Variants in THSD7B observed in about 807,000 individuals in gnomAD.
THSD7B encodes thrombospondin type-1 domain-containing protein 7B.
In THSD7B, 138 loss-of-function variants were observed where a neutral mutation model predicts 213.6. The observed-to-expected ratio is 0.65, with a 90% CI of 0.56 to 0.74. The LOEUF is 0.74. Among genes scored for constraint, THSD7B ranks in the 30% least tolerant of loss-of-function variants. The pLI is 0.00. For synonymous variants in THSD7B, 742 were observed against 687.0 expected, an observed-to-expected ratio of 1.08 and a Z score of -1.25; for missense variants, 1,931 against 1,991.5, an observed-to-expected ratio of 0.97 and a Z score of 0.58.
At chr2:137,046,525 T>A (rs1050668724) in intron 2 of THSD7B, among the ~76,000 whole-genome samples, 5 of 150,648 alleles carry the variant, frequency 3.3e-5, no homozygotes, top group Non-Finnish European at 7.4e-5. Context: ...AGGTCGGGAG[T>A]TCGAGAGCAG....
chr2:137,301,398 TAAAC>T (rs71846194), intron 12 of THSD7B, among the ~76,000 whole-genome samples: 9,341 of 152,046 alleles, frequency 0.061, 520 homozygotes, highest in African/African-American at 0.14. Flanking sequence ...ACTATAGTAA[TAAAC>T]AAAATTAAAC....
At chr2:137,611,383 A>C (rs1224980600) in intron 17 of THSD7B, among the ~76,000 whole-genome samples, 1 of 152,164 alleles carries the variant, frequency 6.6e-6, no homozygotes, top group East Asian at 1.9e-4. Flanking sequence ...CCAAGATGGC[A>C]TGATTAAAAA....
rs1180233538 is a variant in THSD7B, at chr2:136,890,305, T to C, written c.139+7988T>C. ...CTCATTCATGTCCATGTCCTACTCC[T>C]TCTTCTTCTTCTTCTTCTTCTTCTT... On this transcript the variant is annotated intron_variant, in intron 2 of 27. Transcript: ENST00000409968. Among the ~76,000 whole-genome samples the C allele has an allele frequency of 1.3e-4, 4 of 30,438 alleles. 1 individual carries two copies. The highest frequency in any genetic ancestry group is 2.2e-4 in the Non-Finnish European group (4 of 18,002). The allele number at this position is 30,438 out of a possible 152,430, so 20.0% of individuals were successfully genotyped here. A position where few individuals can be genotyped will look rare whatever the true frequency, so the allele number is the denominator to read the frequency against.
At chr2:137,316,770 G>GAAAA (rs1195133586) in intron 12 of THSD7B, among the ~76,000 whole-genome samples, 3 of 74,262 alleles carry the variant, frequency 4.0e-5, no homozygotes, top group Non-Finnish European at 8.8e-5. Flanking sequence ...AAAAAAAAAA[G>GAAAA]AAAAAGAAAA....
At chr2:137,382,372 C>A (rs1439872548) in intron 12 of THSD7B, among the ~76,000 whole-genome samples, 1 of 152,184 alleles carries the variant, frequency 6.6e-6, no homozygotes, top group Non-Finnish European at 1.5e-5. Context: ...TAGGCAGAAG[C>A]CCTATGGGTA....
chr2:137,524,897 C>G (rs960847509), intron 15 of THSD7B, among the ~76,000 whole-genome samples: 1 of 152,022 alleles, frequency 6.6e-6, no homozygotes, highest in Non-Finnish European at 1.5e-5. Flanking sequence ...AATTTGTATC[C>G]ACTTGCATTG....
intron 1 of THSD7B, among the ~76,000 whole-genome samples, chr2:136,881,846 A>T (rs1683628939): frequency 6.6e-6 from 1 of 152,116 alleles, no homozygotes; most frequent in African/African-American, 2.4e-5. Context: ...CGTTACATTG[A>T]TCTTTTTTTA....
At chr2:137,606,335 T>C (rs1299918043) in intron 17 of THSD7B, among the ~76,000 whole-genome samples, 1 of 152,180 alleles carries the variant, frequency 6.6e-6, no homozygotes, top group Non-Finnish European at 1.5e-5. Flanking sequence ...TCTATGTTGC[T>C]AGCCCCAAGT....
intron 7 of THSD7B, among the ~76,000 whole-genome samples, chr2:137,176,616 T>G (rs1191145886): frequency 1.3e-5 from 2 of 152,148 alleles, no homozygotes; most frequent in Non-Finnish European, 2.9e-5. Context: ...CTTGGCCATT[T>G]CCCATTTTTG....
chr2:136,836,624 A>G (rs148237721), intron 1 of THSD7B, among the ~76,000 whole-genome samples: 18 of 152,276 alleles, frequency 1.2e-4, no homozygotes, highest in African/African-American at 4.1e-4. Flanking sequence ...CCAGGGCTCA[A>G]TTCTTGGACT....
chr2:137,113,132 C>T (rs999409690), intron 4 of THSD7B, among the ~76,000 whole-genome samples: 5 of 152,116 alleles, frequency 3.3e-5, no homozygotes, highest in Non-Finnish European at 7.4e-5. Flanking sequence ...TTTGGGGAAT[C>T]CTTGGAGGAA....
chr2:137,620,096 T>A (rs1246820447), intron 19 of THSD7B, among the ~76,000 whole-genome samples: 2 of 152,192 alleles, frequency 1.3e-5, no homozygotes, highest in Non-Finnish European at 2.9e-5. Context: ...AGAAAAAAAA[T>A]AAACGGTATC....
intron 14 of THSD7B, among the ~76,000 whole-genome samples, chr2:137,433,116 A>C (rs1339690280): frequency 6.6e-6 from 1 of 152,174 alleles, no homozygotes; most frequent in Admixed American, 6.5e-5. Flanking sequence ...ATATACACAG[A>C]ATATGTAATT....
At chr2:137,081,194 G>C (rs1687741013) in intron 3 of THSD7B, among the ~76,000 whole-genome samples, 1 of 152,060 alleles carries the variant, frequency 6.6e-6, no homozygotes, top group African/African-American at 2.4e-5. Flanking sequence ...ATCTGGATTA[G>C]ATTTTCAGGG....
At chr2:136,882,630 G>C (rs1186526885) in intron 2 of THSD7B, among the ~76,000 whole-genome samples, 2 of 152,164 alleles carry the variant, frequency 1.3e-5, no homozygotes, top group African/African-American at 4.8e-5. Context: ...AATGACATCT[G>C]AATTTAGCTG....
chr2:137,040,330 G>A (rs1686856296), intron 2 of THSD7B, among the ~76,000 whole-genome samples: 2 of 151,934 alleles, frequency 1.3e-5, no homozygotes. Flanking sequence ...GGAAGCTAGA[G>A]GAAACTAGCC....
chr2:137,112,772 C>CGTGTGTGTGTGTGT (rs112879754), intron 4 of THSD7B, among the ~76,000 whole-genome samples: 1 of 149,824 alleles, frequency 6.7e-6, no homozygotes, highest in African/African-American at 2.5e-5. Context: ...TGTTAATGTA[C>CGTGTGTGTGTGTGT]GTGTGTGTGT....
At chr2:137,234,457 A>T (rs768219217) in intron 9 of THSD7B, among the ~76,000 whole-genome samples, 1 of 152,294 alleles carries the variant, frequency 6.6e-6, no homozygotes, top group East Asian at 1.9e-4. Flanking sequence ...GATAGAGTGC[A>T]GACTGGCAGA....
intron 15 of THSD7B, among the ~76,000 whole-genome samples, chr2:137,552,950 G>C (rs1240645563): frequency 6.6e-6 from 1 of 152,184 alleles, no homozygotes; most frequent in Non-Finnish European, 1.5e-5. Context: ...TAAGTTCATT[G>C]AATTAGGGGA....
Sources: allele counts gnomAD v4.1 joint callset (sites outside exome capture counted in the v4.1 genomes callset), GRCh38; gene constraint gnomAD v4.1.1; transcripts MANE v1.5; gene names NCBI Gene and HGNC (gene_info 2026-07-23, HGNC 2026-07-21).